Variants in NEBL observed in about 807,000 individuals in gnomAD.
NEBL encodes the protein LIM and SH3 protein 2.
A neutral mutation model predicts 140.2 loss-of-function variants in NEBL; 122 were observed. The ratio of observed to expected loss-of-function variants is 0.87; its 90% CI spans 0.75 to 1.01. The LOEUF is 1.01. Ranked by LOEUF, NEBL falls within the 50% of genes least tolerant of loss-of-function variation. NEBL has a pLI of 0.00. For missense variants in NEBL, 1,365 were observed against 1,231.3 expected, an observed-to-expected ratio of 1.11 and a Z score of -1.62; for synonymous variants, 436 against 398.9, an observed-to-expected ratio of 1.09 and a Z score of -1.11.
At chr10:20,994,309 A>G (rs959468188) in intron 3 of NEBL, among the ~76,000 whole-genome samples, 1 of 152,246 alleles carries the variant, frequency 6.6e-6, no homozygotes, top group African/African-American at 2.4e-5. Flanking sequence ...CTGATTCCAT[A>G]TAAGAGAAGC....
intron 4 of NEBL, among the ~76,000 whole-genome samples, chr10:20,902,901 A>G (rs1847931359): frequency 6.6e-6 from 1 of 152,224 alleles, no homozygotes; most frequent in South Asian, 2.1e-4. Context: ...AATAATTGTG[A>G]AAGACTTTGA....
chr10:20,894,927 TAAAAA>T (rs56137796), intron 2 of NEBL, among the ~76,000 whole-genome samples: 1 of 79,884 alleles, frequency 1.3e-5, no homozygotes. Flanking sequence ...AGACTCTGTC[TAAAAA>T]AAAAAAAAAA....
intron 4 of NEBL, among the ~76,000 whole-genome samples, chr10:20,942,719 C>A (rs1834940660): frequency 6.6e-6 from 1 of 152,110 alleles, no homozygotes; most frequent in Non-Finnish European, 1.5e-5. Flanking sequence ...CCAGAATCTA[C>A]AATGAACTTA....
intron 4 of NEBL, among the ~76,000 whole-genome samples, chr10:20,909,304 C>T (rs2131457666): frequency 6.6e-6 from 1 of 151,808 alleles, no homozygotes; most frequent in South Asian, 2.1e-4. Context: ...CCCCACTACC[C>T]TTTCCAGTCT....
chr10:20,948,531 T>C (rs540332897), intron 4 of NEBL, among the ~76,000 whole-genome samples: 1 of 152,316 alleles, frequency 6.6e-6, no homozygotes, highest in South Asian at 2.1e-4. Context: ...GAAATAGTTA[T>C]GGAAGTGTTT....
intron 2 of NEBL, among the ~76,000 whole-genome samples, chr10:21,167,775 A>G (rs185444011): frequency 6.6e-6 from 1 of 152,336 alleles, no homozygotes; most frequent in Non-Finnish European, 1.5e-5. Context: ...AATATTAGCT[A>G]TGTTTTTTGT....
intron 2 of NEBL, among the ~76,000 whole-genome samples, chr10:21,083,705 C>T (rs553072263): frequency 5.9e-5 from 9 of 152,190 alleles, no homozygotes; most frequent in African/African-American, 2.2e-4. Flanking sequence ...ATTAGCCAGG[C>T]GTGGTTGCGT....
intron 3 of NEBL, among the ~76,000 whole-genome samples, chr10:21,240,907 TACACACACACACACACACACACAC>T (rs61704937): frequency 4.4e-5 from 6 of 137,278 alleles, no homozygotes; most frequent in African/African-American, 1.6e-4. Context: ...CACGCACACA[TACACACACACACACACACACACAC>T]ACACACACAC....
intron 2 of NEBL, among the ~76,000 whole-genome samples, chr10:21,052,544 G>A (rs1834824476): frequency 6.6e-6 from 1 of 152,208 alleles, no homozygotes; most frequent in African/African-American, 2.4e-5. Flanking sequence ...CCCTTCATGT[G>A]GAAGCTCAGT....
chr10:21,092,309 A>G (rs1197293408), intron 2 of NEBL, among the ~76,000 whole-genome samples: 1 of 152,208 alleles, frequency 6.6e-6, no homozygotes, highest in African/African-American at 2.4e-5. Context: ...AAATAAACAT[A>G]TCTAGTACTA....
At chr10:21,044,278 T>G (rs190192816) in intron 2 of NEBL, among the ~76,000 whole-genome samples, 1 of 151,790 alleles carries the variant, frequency 6.6e-6, no homozygotes, top group Admixed American at 6.6e-5. Context: ...GCGCCTGTAA[T>G]CCCAGCAGCT....
At chr10:20,960,777 A>C (rs1474058843) in intron 4 of NEBL, among the ~76,000 whole-genome samples, 1 of 152,092 alleles carries the variant, frequency 6.6e-6, no homozygotes, top group Non-Finnish European at 1.5e-5. Context: ...AGTGAGTTTA[A>C]AACCACCTGC....
intron 2 of NEBL, among the ~76,000 whole-genome samples, chr10:21,155,626 T>G (rs374426179): frequency 6.6e-6 from 1 of 152,320 alleles, no homozygotes; most frequent in Middle Eastern, 3.4e-3. Flanking sequence ...CATTTCAACT[T>G]TCAAACTCAC....
chr10:21,157,406 C>G (rs1311442955), intron 2 of NEBL, among the ~76,000 whole-genome samples: 2 of 151,740 alleles, frequency 1.3e-5, no homozygotes, highest in East Asian at 3.9e-4. Context: ...CCGTCTCTAC[C>G]AAAAATACAA....
chr10:21,258,986 A>T (rs549288568), intron 1 of NEBL, among the ~76,000 whole-genome samples: 2 of 152,124 alleles, frequency 1.3e-5, no homozygotes, highest in East Asian at 3.9e-4. Context: ...GATTACCCCC[A>T]TTTTACAGAT....
At chr10:20,852,522 G>A in intron 10 of NEBL, 23 bp downstream of exon 10, 1 of 1,552,168 alleles carries the variant, frequency 6.4e-7, no homozygotes, top group Non-Finnish European at 8.9e-7. Flanking sequence ...GGGAGGGTAG[G>A]TACCGTACGG....
chr10:21,146,395 G>A, intron 2 of NEBL: 1 of 1,608,558 alleles, frequency 6.2e-7, no homozygotes. Flanking sequence ...ATGACTGGTT[G>A]ATTAGTAAAG....
At chr10:21,272,752 C>T (rs1159372965) in intron 1 of NEBL, among the ~76,000 whole-genome samples, 2 of 152,150 alleles carry the variant, frequency 1.3e-5, no homozygotes, top group Non-Finnish European at 2.9e-5. Flanking sequence ...TCAATGAGAT[C>T]ATTGGAGTGA....
At chr10:21,043,895 G>A (rs1834379678) in intron 2 of NEBL, among the ~76,000 whole-genome samples, 1 of 152,170 alleles carries the variant, frequency 6.6e-6, no homozygotes, top group Non-Finnish European at 1.5e-5. Flanking sequence ...AGGATGAGAA[G>A]AGAGAATTAT....
Sources: allele counts gnomAD v4.1 joint callset (sites outside exome capture counted in the v4.1 genomes callset), GRCh38; gene constraint gnomAD v4.1.1; transcripts MANE v1.5; gene names NCBI Gene and HGNC (gene_info 2026-07-23, HGNC 2026-07-21).